Variants in SLIT2 observed in about 807,000 individuals in gnomAD.
SLIT2 encodes slit homolog 2 protein.
In SLIT2, 41 loss-of-function variants were observed where a neutral mutation model predicts 185.7. That is an observed-to-expected ratio of 0.22 (90% confidence interval 0.17 to 0.29). The LOEUF is 0.29. Among genes scored for constraint, SLIT2 ranks in the 10% least tolerant of loss-of-function variants. The probability of loss-of-function intolerance (pLI) is 1.00; values close to 1 mark genes in which losing one functional copy is unlikely to be tolerated. For missense variants in SLIT2, 1,571 were observed against 1,909.0 expected, an observed-to-expected ratio of 0.82 and a Z score of 3.30; for synonymous variants, 693 against 680.2, an observed-to-expected ratio of 1.02 and a Z score of -0.29.
intron 34 of SLIT2, among the ~76,000 whole-genome samples, chr4:20,612,735 G>C (rs1161554782): frequency 6.6e-6 from 1 of 152,008 alleles, no homozygotes; most frequent in Non-Finnish European, 1.5e-5. Flanking sequence ...GGTTAACACG[G>C]TGAAACCCCG....
At chr4:20,362,081 A>G (rs1722785452) in intron 4 of SLIT2, among the ~76,000 whole-genome samples, 1 of 152,140 alleles carries the variant, frequency 6.6e-6, no homozygotes, top group South Asian at 2.1e-4. Context: ...TTTCCAAGGG[A>G]CAGCCTAATT....
In SLIT2 at chr4:20,549,162, T is replaced by C. The variant is rs756552831; in HGVS notation, c.2489+34T>C. On this transcript the variant is annotated intron_variant, in intron 24 of 36. Transcript: ENST00000504154. Reference sequence around the variant, plus strand: ...CTTGTGTTCAACAGAATATCTCTTTTCTCAGAGATCTGAGTTTGGGGTTGT... The same window carrying C: ...CTTGTGTTCAACAGAATATCTCTTTCCTCAGAGATCTGAGTTTGGGGTTGT... 9 of 1,298,702 alleles carry C rather than the reference T, an allele frequency of 6.9e-6. No individual in the cohort carries two copies. In the East Asian group the frequency reaches 1.4e-4, roughly 20 times the overall value. The allele number at this position is 1,298,702 out of a possible 1,614,324, so 80.4% of individuals were successfully genotyped here. A position where few individuals can be genotyped will look rare whatever the true frequency, so the allele number is the denominator to read the frequency against.
intron 4 of SLIT2, among the ~76,000 whole-genome samples, chr4:20,431,844 C>T (rs774502677): frequency 6.6e-6 from 1 of 152,128 alleles, no homozygotes; most frequent in Non-Finnish European, 1.5e-5. Context: ...AGCTCCTGGC[C>T]GGGGCCAGGG....
At chr4:20,379,915 C>T (rs1333418940) in intron 4 of SLIT2, among the ~76,000 whole-genome samples, 2 of 152,000 alleles carry the variant, frequency 1.3e-5, no homozygotes, top group Non-Finnish European at 2.9e-5. Flanking sequence ...GAGGACGAGG[C>T]AGCTGGAATT....
intron 4 of SLIT2, among the ~76,000 whole-genome samples, chr4:20,361,999 C>T (rs1300134368): frequency 6.6e-6 from 1 of 152,006 alleles, no homozygotes; most frequent in African/African-American, 2.4e-5. Context: ...CAGGATGTTT[C>T]CTGCTCATTT....
chr4:20,469,435 T>C (rs1295338209), intron 5 of SLIT2, among the ~76,000 whole-genome samples: 1 of 152,206 alleles, frequency 6.6e-6, no homozygotes, highest in East Asian at 1.9e-4. Context: ...TCAGTCATGA[T>C]AGAATTCTTC....
At chr4:20,405,600 A>G (rs1726715810) in intron 4 of SLIT2, among the ~76,000 whole-genome samples, 1 of 151,916 alleles carries the variant, frequency 6.6e-6, no homozygotes, top group Non-Finnish European at 1.5e-5. Context: ...ACAGGAAAAC[A>G]TGGAGGCTAT....
At chr4:20,404,115 C>T (rs1355312483) in intron 4 of SLIT2, among the ~76,000 whole-genome samples, 2 of 151,908 alleles carry the variant, frequency 1.3e-5, no homozygotes, top group Non-Finnish European at 2.9e-5. Context: ...TGTGTGCATT[C>T]TTAGTCAACA....
chr4:20,262,751 A>G (rs2109018020), intron 3 of SLIT2, among the ~76,000 whole-genome samples: 1 of 151,988 alleles, frequency 6.6e-6, no homozygotes, highest in Middle Eastern at 3.4e-3. Flanking sequence ...ATTCGTAAGC[A>G]ATGTGGTCAA....
Position 20,617,067 on chromosome 4 carries a change from A to G in SLIT2, c.4005A>G (p.Pro1335=), listed in dbSNP as rs767680600. ...CAGGCATTTTGCCTGGCTGTGAGCC[A>G]TGCCACAAGAAGGTGTGTGCCCATG... ...MQTGILPGCE[P]CHKKVCAHGT... Residue 1335 remains proline, a synonymous_variant, in exon 35 of 37, where the codon CCA becomes CCG. Transcript: ENST00000504154. 1.9e-6 allele frequency: 3 copies of G among 1,614,194 alleles called. No homozygotes were observed. The highest frequency in any genetic ancestry group is 1.7e-5 in the Admixed American group (1 of 60,026).
At position 20,251,947 on chromosome 4, in the gene SLIT2, T is replaced by TGGC. The variant is rs1446081489; in HGVS notation, c.-1860_-1858dup. On this transcript the variant is annotated 5_prime_UTR_variant, in exon 1 of 37. Transcript: ENST00000504154. ...TGGGAAGCGCCCGGACGGCGGAGCTTGGCGGCGGCGGTGGTGGTGGCTGCC... is the reference window on the plus strand; with the variant it reads ...TGGGAAGCGCCCGGACGGCGGAGCTTGGCGGCGGCGGCGGTGGTGGTGGCTGCC... Among the ~76,000 whole-genome samples, 15 of 151,862 alleles carry TGGC rather than the reference T, an allele frequency of 9.9e-5. No individual in the cohort carries two copies. Among genetic ancestry groups the TGGC allele is most frequent in the East Asian group, 7.8e-4 (4 of 5,108 alleles).
At chr4:20,347,055 A>G (rs1212071917) in intron 4 of SLIT2, among the ~76,000 whole-genome samples, 1 of 152,218 alleles carries the variant, frequency 6.6e-6, no homozygotes, top group African/African-American at 2.4e-5. Flanking sequence ...GATGAAGTTG[A>G]CACTCCGTAT....
intron 4 of SLIT2, among the ~76,000 whole-genome samples, chr4:20,421,538 T>C (rs182103674): frequency 1.1e-4 from 17 of 152,308 alleles, no homozygotes; most frequent in African/African-American, 3.8e-4. Context: ...TTTGAAAGCA[T>C]GGATCAGATT....
At chr4:20,519,151 A>G (rs970710025) in intron 11 of SLIT2, among the ~76,000 whole-genome samples, 9 of 152,186 alleles carry the variant, frequency 5.9e-5, no homozygotes, top group African/African-American at 1.9e-4. Context: ...TGATATATAC[A>G]TATATAAAAT....
chr4:20,328,520 G>A (rs1719784110), intron 4 of SLIT2, among the ~76,000 whole-genome samples: 1 of 151,828 alleles, frequency 6.6e-6, no homozygotes, highest in Non-Finnish European at 1.5e-5. Flanking sequence ...TTTCTAATTT[G>A]TAGTCTTTAT....
At chr4:20,610,506 G>C (rs1166032333) in intron 34 of SLIT2, among the ~76,000 whole-genome samples, 1 of 152,108 alleles carries the variant, frequency 6.6e-6, no homozygotes, top group Non-Finnish European at 1.5e-5. Flanking sequence ...AAGTTGGTTA[G>C]AGATTAAATC....
intron 4 of SLIT2, among the ~76,000 whole-genome samples, chr4:20,285,541 C>T (rs538249230): frequency 1.3e-3 from 195 of 147,702 alleles, no homozygotes; most frequent in African/African-American, 4.1e-3. Context: ...GAAACTTTTG[C>T]ACTTTACTCT....
At chr4:20,309,447 A>T (rs1296567252) in intron 4 of SLIT2, among the ~76,000 whole-genome samples, 2 of 149,844 alleles carry the variant, frequency 1.3e-5, no homozygotes, top group African/African-American at 4.9e-5. Context: ...AATTATTTTC[A>T]TTTCTCTTAT....
chr4:20,589,186 G>C (rs558811046), intron 29 of SLIT2, among the ~76,000 whole-genome samples: 3 of 152,084 alleles, frequency 2.0e-5, no homozygotes, highest in Non-Finnish European at 2.9e-5. Flanking sequence ...TGCAGGGACC[G>C]GGGGGAAGGC....
Sources: allele counts gnomAD v4.1 joint callset (sites outside exome capture counted in the v4.1 genomes callset), GRCh38; gene constraint gnomAD v4.1.1; transcripts MANE v1.5; gene names NCBI Gene and HGNC (gene_info 2026-07-23, HGNC 2026-07-21).